Variants in RBM46 observed in about 807,000 individuals in gnomAD.
RBM46 encodes the protein RNA binding motif protein 46, also known as probable RNA-binding protein 46.
RBM46 carries 12 observed loss-of-function variants against 43.3 expected under a neutral mutation model. The ratio of observed to expected loss-of-function variants is 0.28; its 90% CI spans 0.18 to 0.45. The LOEUF is 0.45. Ranked by LOEUF, RBM46 falls within the 20% of genes least tolerant of loss-of-function variation. The probability of loss-of-function intolerance (pLI) is 1.00; values close to 1 mark genes in which losing one functional copy is unlikely to be tolerated. For synonymous variants in RBM46, 205 were observed against 207.6 expected, an observed-to-expected ratio of 0.99 and a Z score of 0.11; for missense variants, 412 against 639.1, an observed-to-expected ratio of 0.64 and a Z score of 3.83.
At chr4:154,786,856 G>A (rs2111088894) in intron 1 of RBM46, among the ~76,000 whole-genome samples, 1 of 152,172 alleles carries the variant, frequency 6.6e-6, no homozygotes, top group East Asian at 1.9e-4. Context: ...GAACCTGGGG[G>A]GTGGAGGTTG....
chr4:154,811,120 T>C (rs978077324), intron 4 of RBM46, among the ~76,000 whole-genome samples: 1 of 152,208 alleles, frequency 6.6e-6, no homozygotes, highest in Non-Finnish European at 1.5e-5. Context: ...TGATAAATGC[T>C]CTGAAGTAGT....
intron 1 of RBM46, among the ~76,000 whole-genome samples, chr4:154,791,710 A>G (rs1371867780): frequency 6.6e-6 from 1 of 152,212 alleles, no homozygotes; most frequent in Non-Finnish European, 1.5e-5. Flanking sequence ...TCTAGAGGAT[A>G]ATGAGTTCTT....
intron 1 of RBM46, among the ~76,000 whole-genome samples, chr4:154,782,583 A>T (rs1733546530): frequency 6.6e-6 from 1 of 152,150 alleles, no homozygotes; most frequent in Non-Finnish European, 1.5e-5. Flanking sequence ...TACCGGGTTC[A>T]AGCGATTCTC....
At chr4:154,797,757 G>A (rs944026790) in intron 2 of RBM46, 54 bp from the exon 3 acceptor site, 2 of 1,192,868 alleles carry the variant, frequency 1.7e-6, no homozygotes, top group Non-Finnish European at 2.4e-6. Context: ...TGATTGAATA[G>A]TGAGTACAAA....
intron 4 of RBM46, among the ~76,000 whole-genome samples, chr4:154,800,470 C>T (rs1178947324): frequency 6.6e-6 from 1 of 152,004 alleles, no homozygotes; most frequent in Non-Finnish European, 1.5e-5. Flanking sequence ...TTCTTTAAAA[C>T]GTTTGAAGGA....
intron 1 of RBM46, among the ~76,000 whole-genome samples, chr4:154,784,765 C>T (rs1295753352): frequency 2.0e-5 from 3 of 152,140 alleles, no homozygotes; most frequent in African/African-American, 2.4e-5. Context: ...GTTTTTAGAA[C>T]GCTTTGTAGT....
intron 1 of RBM46, among the ~76,000 whole-genome samples, chr4:154,787,876 C>G (rs1245424484): frequency 6.6e-6 from 1 of 152,196 alleles, no homozygotes; most frequent in East Asian, 1.9e-4. Flanking sequence ...AGTCACCATT[C>G]TAACTGGTAT....
At chr4:154,791,651 T>G (rs1375246082) in intron 1 of RBM46, among the ~76,000 whole-genome samples, 1 of 152,194 alleles carries the variant, frequency 6.6e-6, no homozygotes, top group East Asian at 1.9e-4. Context: ...GAGATTATGA[T>G]ACATTATAAG....
chr4:154,810,928 C>CA lies in RBM46; in HGVS notation c.1402+11365dup, dbSNP rs1735143356. On this transcript the variant is annotated intron_variant, in intron 4 of 4. Transcript: ENST00000281722. ...TTACTATTCATTCCTTTAGGCTTCTCATGTTTAGTTTATTAACTGGCAGAT... is the reference window on the plus strand; with the variant it reads ...TTACTATTCATTCCTTTAGGCTTCTCAATGTTTAGTTTATTAACTGGCAGAT... 3.3e-5 allele frequency among the ~76,000 whole-genome samples: 5 copies of CA among 152,280 alleles called. No homozygotes were observed. The South Asian group carries it at 1.0e-3, about 32-fold the overall frequency.
At chr4:154,795,204 A>G (rs1734290386) in intron 1 of RBM46, among the ~76,000 whole-genome samples, 1 of 152,164 alleles carries the variant, frequency 6.6e-6, no homozygotes, top group Non-Finnish European at 1.5e-5. Context: ...GGTAGAAACT[A>G]TTATTATCTA....
intron 1 of RBM46, among the ~76,000 whole-genome samples, chr4:154,782,213 T>G (rs1356886667): frequency 6.6e-6 from 1 of 152,212 alleles, no homozygotes; most frequent in East Asian, 1.9e-4. Flanking sequence ...TTTAAACCCC[T>G]AATTTAAAAA....
chr4:154,805,035 C>T (rs1734844157), intron 4 of RBM46, among the ~76,000 whole-genome samples: 2 of 151,974 alleles, frequency 1.3e-5, no homozygotes, highest in African/African-American at 4.8e-5. Context: ...GTTGTAAACC[C>T]TTTGCAGAGT....
intron 4 of RBM46, among the ~76,000 whole-genome samples, chr4:154,800,982 AT>A (rs199743891): frequency 0.2 from 28,338 of 143,252 alleles, 3,236 homozygotes; most frequent in East Asian, 0.43. Context: ...AGTATTAGAA[AT>A]TTTTTTTTTT....
At chr4:154,799,715 G>T in intron 4 of RBM46, 151 bp downstream of exon 4, 6 of 493,462 alleles carry the variant, frequency 1.2e-5, no homozygotes, top group South Asian at 5.2e-5. Context: ...TAACTTTCTT[G>T]AAACTTGTGC....
intron 4 of RBM46, among the ~76,000 whole-genome samples, chr4:154,814,268 C>A (rs2111189143): frequency 6.6e-6 from 1 of 152,054 alleles, no homozygotes; most frequent in African/African-American, 2.4e-5. Flanking sequence ...TTTGACATGC[C>A]TTTTCTTTCC....
Position 154,828,077 on chromosome 4 carries a change from T to C in RBM46, c.*10T>C, listed in dbSNP as rs770430687. ...GGCCTCCTTCTTCTGAAGAAAATAC[T>C]AACATTAGTATGAAAATTTGTGTAA... On this transcript the variant is annotated 3_prime_UTR_variant, in exon 5 of 5. Transcript: ENST00000281722. The C allele has an allele frequency of 8.4e-6, 13 of 1,554,732 alleles. No individual in the cohort carries two copies. The South Asian group carries it at 1.3e-4, about 16-fold the overall frequency.
At chr4:154,800,480 A>T (rs1030926678) in intron 4 of RBM46, among the ~76,000 whole-genome samples, 2 of 152,230 alleles carry the variant, frequency 1.3e-5, no homozygotes, top group African/African-American at 4.8e-5. Context: ...CGTTTGAAGG[A>T]TAATTATGAA....
At chr4:154,821,162 CAA>C (rs1001492562) in intron 4 of RBM46, among the ~76,000 whole-genome samples, 5 of 151,826 alleles carry the variant, frequency 3.3e-5, no homozygotes, top group African/African-American at 7.2e-5. Flanking sequence ...TTCTCAGACT[CAA>C]AGAGAAATGC....
At chr4:154,796,077 A>G (rs1039732075) in intron 1 of RBM46, among the ~76,000 whole-genome samples, 29 of 152,294 alleles carry the variant, frequency 1.9e-4, no homozygotes, top group African/African-American at 7.0e-4. Context: ...CTGAGGTGGG[A>G]GAATCACTTG....
Sources: gnomAD v4.1 joint callset for allele counts (sites outside exome capture counted in the v4.1 genomes callset) on GRCh38, gnomAD v4.1.1 for gene constraint, MANE v1.5 for transcripts, NCBI Gene and HGNC (gene_info 2026-07-23, HGNC 2026-07-21) for gene names.